FAM3B: variants seen among roughly 807,000 people sequenced by gnomAD.
FAM3B encodes protein FAM3B.
A neutral mutation model predicts 28.4 loss-of-function variants in FAM3B; 29 were observed. The ratio of observed to expected loss-of-function variants is 1.02; its 90% CI spans 0.76 to 1.39. The LOEUF (loss-of-function observed/expected upper bound fraction) is 1.39. Among genes scored for constraint, FAM3B ranks in the 40% most tolerant of loss-of-function variants. FAM3B has a pLI of 0.00. For synonymous variants in FAM3B, 91 were observed against 103.0 expected, an observed-to-expected ratio of 0.88 and a Z score of 0.71; for missense variants, 266 against 293.9, an observed-to-expected ratio of 0.91 and a Z score of 0.69.
intron 1 of FAM3B, among the ~76,000 whole-genome samples, chr21:41,322,290 A>G (rs1476210658): frequency 6.6e-6 from 1 of 152,194 alleles, no homozygotes; most frequent in African/African-American, 2.4e-5. Flanking sequence ...GTTGCCAATC[A>G]ACCAGAAAGA....
chr21:41,312,660 A>G (rs1462677512), upstream of FAM3B, among the ~76,000 whole-genome samples: 1 of 152,208 alleles, frequency 6.6e-6, no homozygotes, highest in African/African-American at 2.4e-5. Context: ...AGGCAAATGA[A>G]GACCTGAACA....
chr21:41,344,761 A>T (rs1159991524), intron 4 of FAM3B, among the ~76,000 whole-genome samples: 1 of 152,216 alleles, frequency 6.6e-6, no homozygotes, highest in Non-Finnish European at 1.5e-5. Flanking sequence ...TTATTTTAAA[A>T]AAAGAAAAAA....
chr21:41,330,814 T>A (rs2088899821), intron 2 of FAM3B, among the ~76,000 whole-genome samples: 1 of 152,226 alleles, frequency 6.6e-6, no homozygotes, highest in Admixed American at 6.5e-5. Context: ...TGCACTCTGT[T>A]ATACCACATT....
At chr21:41,352,304 G>A (rs2089127964) in intron 7 of FAM3B, among the ~76,000 whole-genome samples, 1 of 152,212 alleles carries the variant, frequency 6.6e-6, no homozygotes, top group African/African-American at 2.4e-5. Flanking sequence ...CCATGCAGGG[G>A]GTGCCTTCAC....
chr21:41,312,371 C>T (rs2088720079), upstream of FAM3B, among the ~76,000 whole-genome samples: 1 of 152,162 alleles, frequency 6.6e-6, no homozygotes, highest in African/African-American at 2.4e-5. Context: ...CTTCCCAGTG[C>T]ACAGTTGAAA....
chr21:41,326,708 G>A lies in FAM3B; in HGVS notation c.163+3642G>A, dbSNP rs931005188. Among the ~76,000 whole-genome samples the A allele has an allele frequency of 1.3e-5, 2 of 152,340 alleles. No homozygotes were observed. The highest frequency in any genetic ancestry group is 3.9e-4 in the East Asian group (2 of 5,184). Reference sequence around the variant, plus strand: ...CCCCCACAATGGCCCCGCTGGAGACGCCAGCACCAGCCCTTTGGGTGAGTG... The same window carrying A: ...CCCCCACAATGGCCCCGCTGGAGACACCAGCACCAGCCCTTTGGGTGAGTG... On this transcript the variant is annotated intron_variant, in intron 2 of 7. Transcript: ENST00000357985. The surrounding 1 kb of genome is among the most constrained non-coding windows in gnomAD (Gnocchi z 4.0).
chr21:41,341,766 A>G (rs576032455), intron 3 of FAM3B, among the ~76,000 whole-genome samples: 121 of 152,352 alleles, frequency 7.9e-4, no homozygotes, highest in Admixed American at 1.7e-3. Context: ...GTTTGGGGTT[A>G]TTATGAACAG....
Position 41,325,304 on chromosome 21 carries a change from C to T in FAM3B, c.163+2238C>T, listed in dbSNP as rs529413551. Among the ~76,000 whole-genome samples the T allele has an allele frequency of 5.3e-5, 8 of 152,210 alleles. 1 individual carries two copies. In the South Asian group the frequency reaches 1.5e-3, roughly 28 times the overall value. On this transcript the variant is annotated intron_variant, in intron 2 of 7. Transcript: ENST00000357985. ...GATGGCTTCTGGTCTTTGGTTTTTG[C>T]GGACTGGACTTTTAATCTCCTATAG...
At chr21:41,336,017 G>A (rs1184861419) in intron 2 of FAM3B, among the ~76,000 whole-genome samples, 1 of 152,146 alleles carries the variant, frequency 6.6e-6, no homozygotes. Flanking sequence ...AAGAGGTAGG[G>A]CCTTTTGGAA....
chr21:41,332,095 G>A (rs1177217406), intron 2 of FAM3B, among the ~76,000 whole-genome samples: 3 of 152,198 alleles, frequency 2.0e-5, no homozygotes, highest in Non-Finnish European at 2.9e-5. Flanking sequence ...CTGCCTTCAC[G>A]ATAGTGAGTT....
Position 41,357,141 on chromosome 21 carries a change from T to G in FAM3B, c.652T>G (p.Ser218Ala). 6.2e-7 allele frequency: 1 copy of G among 1,613,578 alleles called. No individual in the cohort carries two copies. Among genetic ancestry groups the G allele is most frequent in the South Asian group, 1.1e-5 (1 of 91,016 alleles). ...CTCTGATGCTAAGAACAACAGATATTCTGGCTGGCCTGCAGAGATCCAGAT... is the reference window on the plus strand; with the variant it reads ...CTCTGATGCTAAGAACAACAGATATGCTGGCTGGCCTGCAGAGATCCAGAT... Reference protein sequence around the residue: ...NHSDAKNNRYSGWPAEIQIEG... With the variant: ...NHSDAKNNRYAGWPAEIQIEG... Residue 218 changes from serine to alanine, a missense_variant, in exon 8 of 8, where the codon TCT (serine) becomes GCT (alanine). Transcript: ENST00000357985.
chr21:41,321,850 C>T (rs534727926), intron 1 of FAM3B, among the ~76,000 whole-genome samples: 5 of 152,184 alleles, frequency 3.3e-5, no homozygotes, highest in Admixed American at 6.6e-5. Flanking sequence ...AACTGCACCC[C>T]GGGTGGGGCC....
intron 7 of FAM3B, among the ~76,000 whole-genome samples, chr21:41,351,024 A>G (rs1050264713): frequency 8.7e-5 from 13 of 150,214 alleles, no homozygotes; most frequent in Admixed American, 4.7e-4. Flanking sequence ...ATTACTACCA[A>G]TGGTGCGGTT....
intron 1 of FAM3B, among the ~76,000 whole-genome samples, chr21:41,317,562 C>T (rs2088761318): frequency 6.6e-6 from 1 of 152,128 alleles, no homozygotes; most frequent in African/African-American, 2.4e-5. Flanking sequence ...TGGCCTCTGT[C>T]ACACATGCCC....
At chr21:41,327,198 C>T (rs188521500) in intron 2 of FAM3B, among the ~76,000 whole-genome samples, 19 of 152,310 alleles carry the variant, frequency 1.2e-4, no homozygotes, top group African/African-American at 3.8e-4. Context: ...AACTGTTATT[C>T]GATATGTTTG....
intron 4 of FAM3B, 81 bp downstream of exon 4, chr21:41,344,615 T>G (rs1601369262): frequency 8.9e-7 from 1 of 1,124,266 alleles, no homozygotes; most frequent in Non-Finnish European, 1.3e-6. Flanking sequence ...TTTTCGAGAC[T>G]TTTGCGCGTG....
intron 1 of FAM3B, among the ~76,000 whole-genome samples, chr21:41,311,265 T>C (rs1287151212): frequency 4.6e-5 from 2 of 43,330 alleles, no homozygotes; most frequent in Non-Finnish European, 8.0e-5. Flanking sequence ...TATATATATA[T>C]ATATATATAT....
intron 1 of FAM3B, chr21:41,304,434 C>T (rs965709758): frequency 2.7e-5 from 10 of 367,202 alleles, no homozygotes; most frequent in African/African-American, 1.1e-4. Flanking sequence ...TTGCCTGCAC[C>T]GGCGGTTTCC....
chr21:41,305,030 C>T (rs1005919110), intron 1 of FAM3B, among the ~76,000 whole-genome samples: 4 of 152,104 alleles, frequency 2.6e-5, no homozygotes, highest in East Asian at 1.9e-4. Flanking sequence ...TTGTGACCTC[C>T]GCAACACGTT....
Sources: gnomAD v4.1 joint callset for allele counts (sites outside exome capture counted in the v4.1 genomes callset) on GRCh38, gnomAD v4.1.1 for gene constraint, Gnocchi (gnomAD v3.1) non-coding constraint, MANE v1.5 for transcripts, NCBI Gene and HGNC (gene_info 2026-07-23, HGNC 2026-07-21) for gene names.